TGFBR1: variants seen among roughly 807,000 people sequenced by gnomAD.
TGFBR1 encodes transforming growth factor beta receptor 1.
Under a neutral mutation model 55.1 loss-of-function variants are expected in TGFBR1, and 20 were observed. That is an observed-to-expected ratio of 0.36 (90% CI 0.26 to 0.53). The LOEUF is 0.53. TGFBR1 is among the 20% of genes least tolerant of loss of function. TGFBR1 has a pLI of 0.91. For synonymous variants in TGFBR1, 220 were observed against 214.8 expected, an observed-to-expected ratio of 1.02 and a Z score of -0.21; for missense variants, 385 against 617.6, an observed-to-expected ratio of 0.62 and a Z score of 3.99.
At chr9:99,104,054 T>TC (rs2118140035), upstream of TGFBR1, 1 of 152,330 alleles carries the variant, frequency 6.6e-6, no homozygotes, top group South Asian at 2.1e-4. Flanking sequence ...AAAGGACTAG[T>TC]CTGACAGGAA....
intron 1 of TGFBR1, among the ~76,000 whole-genome samples, chr9:99,119,803 CTG>C (rs1826846843): frequency 6.6e-6 from 1 of 152,148 alleles, no homozygotes; most frequent in African/African-American, 2.4e-5. Context: ...TGTTGAAAAA[CTG>C]TATGAATATT....
chr9:99,138,134 C>CT, intron 4 of TGFBR1, 45 bp downstream of exon 4: 1 of 1,528,480 alleles, frequency 6.5e-7, no homozygotes, highest in Non-Finnish European at 9.1e-7. Context: ...AACAAGATCT[C>CT]TTTAAGTCTT....
chr9:99,147,113 A>C (rs539695366), intron 7 of TGFBR1, among the ~76,000 whole-genome samples: 1 of 152,316 alleles, frequency 6.6e-6, no homozygotes, highest in Non-Finnish European at 1.5e-5. Context: ...CTCAGGAAAC[A>C]GTCTCTTAGG....
At chr9:99,118,152 T>C (rs938123954) in intron 1 of TGFBR1, among the ~76,000 whole-genome samples, 1 of 152,210 alleles carries the variant, frequency 6.6e-6, no homozygotes, top group African/African-American at 2.4e-5. Flanking sequence ...TTTTTTAATT[T>C]AATTTTTTTT....
chr9:99,140,777 A>T (rs564571737), intron 4 of TGFBR1, among the ~76,000 whole-genome samples: 3 of 152,132 alleles, frequency 2.0e-5, no homozygotes, highest in Non-Finnish European at 2.9e-5. Flanking sequence ...GCAACTCTCA[A>T]ATCTCCATTT....
chr9:99,107,760 T>C (rs1453104973), intron 1 of TGFBR1, among the ~76,000 whole-genome samples: 2 of 152,238 alleles, frequency 1.3e-5, no homozygotes, highest in African/African-American at 4.8e-5. Context: ...CATCTCTGAG[T>C]ATCCTACCAG....
At chr9:99,128,120 C>A in intron 1 of TGFBR1, 1 of 403,320 alleles carries the variant, frequency 2.5e-6, no homozygotes, top group Non-Finnish European at 4.9e-6. Context: ...AGAGGTCACT[C>A]CTGGGGTTGA....
At chr9:99,116,785 T>G (rs1471620137) in intron 1 of TGFBR1, among the ~76,000 whole-genome samples, 1 of 152,156 alleles carries the variant, frequency 6.6e-6, no homozygotes, top group African/African-American at 2.4e-5. Flanking sequence ...TCTGAAAACT[T>G]TATTAGCTTG....
In TGFBR1 at chr9:99,153,840, C is replaced by T. The variant is rs1828036782; in HGVS notation, c.*4535C>T. 1 of 211,288 alleles carries T rather than the reference C, an allele frequency of 4.7e-6. No homozygotes were observed. The highest frequency in any genetic ancestry group is 9.6e-6 in the Non-Finnish European group (1 of 104,022). The allele number at this position is 211,288 out of a possible 1,614,324, so 13.1% of individuals were successfully genotyped here. A position where few individuals can be genotyped will look rare whatever the true frequency, so the allele number is the denominator to read the frequency against. On this transcript the variant is annotated 3_prime_UTR_variant, in exon 9 of 9. Transcript: ENST00000374994. ...TCCTGTCTGCAGGTGTGTCTCTGTG[C>T]CTGGGGGCTTTTCTCCACATGCTTA... is the stretch of plus-strand genomic sequence containing the variant.
At chr9:99,113,420 A>C (rs1006551424) in intron 1 of TGFBR1, among the ~76,000 whole-genome samples, 1 of 152,102 alleles carries the variant, frequency 6.6e-6, no homozygotes, top group Non-Finnish European at 1.5e-5. Flanking sequence ...CTCTTTTTCT[A>C]TTTGGATTGA....
rs11568758 is a variant in TGFBR1 at position 99,128,787 on chromosome 9, A to AG, written c.98-67dup. The AG allele has an allele frequency of 8.6e-5, 136 of 1,580,112 alleles. No homozygotes were observed. In the African/African-American group the frequency reaches 1.7e-3, roughly 20 times the overall value. ...AATAGGATCAAGAATGTATTATTAG[A>AG]GTGAATATTGGATAATTTCAAACTG... is the stretch of plus-strand genomic sequence containing the variant. On this transcript the variant is annotated intron_variant, in intron 1 of 8. Transcript: ENST00000374994.
At chr9:99,128,062 A>G (rs1827090997) in intron 1 of TGFBR1, 1 of 454,816 alleles carries the variant, frequency 2.2e-6, no homozygotes, top group East Asian at 7.0e-5. Flanking sequence ...TTGAAGGTGT[A>G]TCTGTGTGTA....
intron 1 of TGFBR1, among the ~76,000 whole-genome samples, chr9:99,117,195 C>G (rs887486108): frequency 6.6e-6 from 1 of 151,904 alleles, no homozygotes; most frequent in Admixed American, 6.6e-5. Context: ...TCAAGTGATT[C>G]TCCTGTCTCA....
Position 99,117,253 on chromosome 9 carries a change from ATT to A in TGFBR1, c.98-11586_98-11585del, listed in dbSNP as rs34711337. Among the ~76,000 whole-genome samples, 202 of 135,416 alleles carry A rather than the reference ATT, an allele frequency of 1.5e-3. 1 individual carries two copies. Among genetic ancestry groups the A allele is most frequent in the Middle Eastern group, 3.8e-3 (1 of 264 alleles). 88.8% of individuals were successfully genotyped at this position (135,416 alleles called of 152,430 possible). ...CAGGCATCTGCCACCACGCCTGGCT[ATT>A]TTTTTTTTTTTTTTTGTATTTTTAG... On this transcript the variant is annotated intron_variant, in intron 1 of 8. Coordinates refer to ENST00000374994, the MANE Select transcript of TGFBR1 (RefSeq NM_004612.4).
rs61566226 is a variant in TGFBR1 at position 99,151,402 on chromosome 9, T to TG, written c.*2097_*2098insG. On this transcript the variant is annotated 3_prime_UTR_variant, in exon 9 of 9. Transcript: ENST00000374994. The stretch of plus-strand genomic sequence containing the variant: ...TTTGTGGGGGTTTTTTTTTTGTTTT[T>TG]TTTTTTTTGTTGTTGTTTTTGGGCC... 10,197 of 218,758 alleles carry TG rather than the reference T, an allele frequency of 0.047. 1,707 individuals carry two copies. Among genetic ancestry groups the TG allele is most frequent in the East Asian group, 0.43 (6,808 of 15,708 alleles). The allele number at this position is 218,758 out of a possible 1,614,324, so 13.6% of individuals were successfully genotyped here. A position where few individuals can be genotyped will look rare whatever the true frequency, so the allele number is the denominator to read the frequency against.
intron 1 of TGFBR1, among the ~76,000 whole-genome samples, chr9:99,116,894 A>G (rs1329307382): frequency 1.3e-5 from 2 of 152,238 alleles, no homozygotes; most frequent in African/African-American, 4.8e-5. Flanking sequence ...CTAGATGCTT[A>G]TATCTTTAGG....
At chr9:99,120,761 G>C (rs1354110072) in intron 1 of TGFBR1, among the ~76,000 whole-genome samples, 1 of 152,160 alleles carries the variant, frequency 6.6e-6, no homozygotes, top group Non-Finnish European at 1.5e-5. Flanking sequence ...TAGTAGAATT[G>C]ATGGATTAAA....
At chr9:99,119,745 C>T (rs1194801365) in intron 1 of TGFBR1, among the ~76,000 whole-genome samples, 2 of 152,146 alleles carry the variant, frequency 1.3e-5, no homozygotes, top group Non-Finnish European at 2.9e-5. Context: ...CTGTGTGTGC[C>T]TACTGCTACT....
chr9:99,136,177 C>T (rs1827433202), intron 3 of TGFBR1, among the ~76,000 whole-genome samples: 1 of 152,088 alleles, frequency 6.6e-6, no homozygotes, highest in African/African-American at 2.4e-5. Context: ...TTTAAAAATG[C>T]TCAACTATTC....
Sources: gnomAD v4.1 joint callset for allele counts (sites outside exome capture counted in the v4.1 genomes callset) on GRCh38, gnomAD v4.1.1 for gene constraint, MANE v1.5 for transcripts, NCBI Gene and HGNC (gene_info 2026-07-23, HGNC 2026-07-21) for gene names.